SYT9: variants seen among roughly 807,000 people sequenced by gnomAD.
SYT9 encodes synaptotagmin 9, also known as synaptotagmin-9.
Under a neutral mutation model 48.4 loss-of-function variants are expected in SYT9, and 22 were observed. The observed-to-expected ratio is 0.45, with a 90% CI of 0.32 to 0.65. The LOEUF (loss-of-function observed/expected upper bound fraction) is 0.65. SYT9 is among the 30% of genes least tolerant of loss of function. The pLI, the probability that SYT9 is intolerant of heterozygous loss-of-function variation, is 0.03. For missense variants in SYT9, 577 were observed against 622.0 expected, an observed-to-expected ratio of 0.93 and a Z score of 0.77; for synonymous variants, 265 against 245.0, an observed-to-expected ratio of 1.08 and a Z score of -0.76.
At chr11:7,458,450 C>CAGT (rs1848187845) in intron 6 of SYT9, among the ~76,000 whole-genome samples, 2 of 152,014 alleles carry the variant, frequency 1.3e-5, no homozygotes, top group African/African-American at 4.8e-5. Context: ...TACTGCACTC[C>CAGT]AGCCTGGGCA....
At chr11:7,355,177 C>T (rs572397629) in intron 3 of SYT9, among the ~76,000 whole-genome samples, 10 of 152,340 alleles carry the variant, frequency 6.6e-5, no homozygotes, top group African/African-American at 1.7e-4. Flanking sequence ...AATGCTCTTT[C>T]CTGCTATCGG....
chr11:7,274,276 CA>C (rs1848346046), intron 1 of SYT9, among the ~76,000 whole-genome samples: 1 of 150,376 alleles, frequency 6.6e-6, no homozygotes, highest in Admixed American at 6.6e-5. Context: ...ACACATCAGT[CA>C]TGATTCTACA....
chr11:7,418,161 T>C (rs994564014), intron 5 of SYT9, 33 bp downstream of exon 5: 1 of 1,606,162 alleles, frequency 6.2e-7, no homozygotes, highest in Non-Finnish European at 8.5e-7. Flanking sequence ...CCAGTGCAAG[T>C]TCACTGTGCC....
chr11:7,279,259 A>G (rs1848450264), intron 1 of SYT9, among the ~76,000 whole-genome samples: 1 of 152,198 alleles, frequency 6.6e-6, no homozygotes, highest in South Asian at 2.1e-4. Context: ...AGTAAAACAA[A>G]GTCTTGGTAA....
intron 6 of SYT9, among the ~76,000 whole-genome samples, chr11:7,463,094 A>C (rs12791177): frequency 0.16 from 23,818 of 152,120 alleles, 1,975 homozygotes; most frequent in African/African-American, 0.21. Context: ...CTTCCTGTTG[A>C]TACTACTGGA....
chr11:7,330,192 T>C (rs1324937030), intron 3 of SYT9, among the ~76,000 whole-genome samples: 1 of 152,058 alleles, frequency 6.6e-6, no homozygotes, highest in Admixed American at 6.6e-5. Context: ...ATACATACAA[T>C]GGAATGCTAC....
chr11:7,335,379 C>T (rs1025619841), intron 3 of SYT9, among the ~76,000 whole-genome samples: 4 of 152,062 alleles, frequency 2.6e-5, no homozygotes, highest in Non-Finnish European at 4.4e-5. Context: ...AAACACATGT[C>T]ATAGGAGTTC....
At chr11:7,254,986 A>G (rs1847940929) in intron 1 of SYT9, among the ~76,000 whole-genome samples, 1 of 152,182 alleles carries the variant, frequency 6.6e-6, no homozygotes, top group Non-Finnish European at 1.5e-5. Flanking sequence ...TGGTGTTCAC[A>G]GAGGACTTGA....
At chr11:7,324,781 C>A (rs537224443) in intron 3 of SYT9, among the ~76,000 whole-genome samples, 24 of 151,698 alleles carry the variant, frequency 1.6e-4, no homozygotes, top group Non-Finnish European at 2.8e-4. Context: ...GATATCTGTT[C>A]AAATTTGCTT....
intron 2 of SYT9, among the ~76,000 whole-genome samples, chr11:7,310,219 T>C (rs1849106950): frequency 6.6e-6 from 1 of 152,076 alleles, no homozygotes; most frequent in Admixed American, 6.5e-5. Flanking sequence ...CTGCAACCTC[T>C]GCCACCTGGG....
At chr11:7,447,052 G>A (rs1443534503) in intron 6 of SYT9, among the ~76,000 whole-genome samples, 1 of 152,222 alleles carries the variant, frequency 6.6e-6, no homozygotes, top group Non-Finnish European at 1.5e-5. Context: ...TGTCTGCAGA[G>A]CTGGTGAGGT....
rs369510802 is a variant in SYT9 at position 7,401,324 on chromosome 11, A to G, written c.1045-14718A>G. On this transcript the variant is annotated intron_variant, in intron 3 of 6. Coordinates refer to ENST00000318881, the MANE Select transcript of SYT9 (RefSeq NM_175733.4). ...TATATTTTGTATATATATAATACAT[A>G]TATATCATATATAATGCAAATATAT... Among the ~76,000 whole-genome samples, 54 of 150,646 alleles carry G rather than the reference A, an allele frequency of 3.6e-4. No individual in the cohort carries two copies. In the South Asian group the frequency reaches 0.011, roughly 31 times the overall value.
chr11:7,421,697 T>C (rs1025424457), intron 6 of SYT9, among the ~76,000 whole-genome samples: 1 of 152,200 alleles, frequency 6.6e-6, no homozygotes, highest in African/African-American at 2.4e-5. Flanking sequence ...CAAAAATAAT[T>C]TGCACTCCCT....
At chr11:7,323,675 T>C (rs1382170716) in intron 3 of SYT9, among the ~76,000 whole-genome samples, 1 of 152,050 alleles carries the variant, frequency 6.6e-6, no homozygotes, top group African/African-American at 2.4e-5. Context: ...GTTCCTTTTA[T>C]CTTTTAAAGT....
At chr11:7,292,402 TGCATA>T (rs1448007597) in intron 1 of SYT9, among the ~76,000 whole-genome samples, 1 of 152,162 alleles carries the variant, frequency 6.6e-6, no homozygotes, top group Non-Finnish European at 1.5e-5. Flanking sequence ...CAGATGCAAG[TGCATA>T]GCCAGGCTAG....
At chr11:7,376,397 C>T (rs1326764958) in intron 3 of SYT9, among the ~76,000 whole-genome samples, 1 of 150,092 alleles carries the variant, frequency 6.7e-6, no homozygotes, top group Non-Finnish European at 1.5e-5. Flanking sequence ...CTCTCCTCTC[C>T]TCTCCTTTCT....
chr11:7,332,868 A>G (rs1003968179), intron 3 of SYT9, among the ~76,000 whole-genome samples: 2 of 152,246 alleles, frequency 1.3e-5, no homozygotes, highest in Non-Finnish European at 2.9e-5. Flanking sequence ...CAGCAATTTC[A>G]TCTCTGAAGA....
intron 5 of SYT9, among the ~76,000 whole-genome samples, chr11:7,419,174 C>T (rs980189574): frequency 1.3e-5 from 2 of 152,244 alleles, no homozygotes; most frequent in African/African-American, 4.8e-5. Context: ...CAGTAGGGGA[C>T]ATTGCCCACC....
intron 6 of SYT9, among the ~76,000 whole-genome samples, chr11:7,433,154 C>A (rs1376505636): frequency 6.6e-6 from 1 of 152,096 alleles, no homozygotes; most frequent in Non-Finnish European, 1.5e-5. Context: ...CTGCCATTTG[C>A]CACACTGGCT....
Sources: gnomAD v4.1 joint callset for allele counts (sites outside exome capture counted in the v4.1 genomes callset) on GRCh38, gnomAD v4.1.1 for gene constraint, MANE v1.5 for transcripts, NCBI Gene and HGNC (gene_info 2026-07-23, HGNC 2026-07-21) for gene names.